Variants in SAMD4A observed in about 807,000 individuals in gnomAD.
SAMD4A encodes the protein protein Smaug homolog 1.
A neutral mutation model predicts 81.3 loss-of-function variants in SAMD4A; 33 were observed. The ratio of observed to expected loss-of-function variants is 0.41; its 90% CI spans 0.31 to 0.54. The LOEUF (loss-of-function observed/expected upper bound fraction) is 0.54, where lower values mean the gene tolerates loss of function less well. Among genes scored for constraint, SAMD4A ranks in the 20% least tolerant of loss-of-function variants. The pLI, the probability that SAMD4A is intolerant of heterozygous loss-of-function variation, is 0.37. For synonymous variants in SAMD4A, 389 were observed against 382.1 expected, an observed-to-expected ratio of 1.02 and a Z score of -0.21; for missense variants, 854 against 951.1, an observed-to-expected ratio of 0.90 and a Z score of 1.34.
chr14:54,642,677 G>T (rs146998350), intron 2 of SAMD4A, among the ~76,000 whole-genome samples: 1 of 152,144 alleles, frequency 6.6e-6, no homozygotes, highest in Non-Finnish European at 1.5e-5. Context: ...GAAAGATCCC[G>T]TTGAGTGGAT....
At chr14:54,596,497 A>G (rs572915269) in intron 2 of SAMD4A, among the ~76,000 whole-genome samples, 77 of 152,338 alleles carry the variant, frequency 5.1e-4, no homozygotes, top group African/African-American at 1.8e-3. Context: ...AGGCAGGGGA[A>G]TCGCTTGAAC....
rs565528338 is a variant in SAMD4A at position 54,778,130 on chromosome 14, C to G, written c.2044+1590C>G. 1.1e-4 allele frequency among the ~76,000 whole-genome samples: 16 copies of G among 152,336 alleles called. No individual in the cohort carries two copies. The East Asian group carries it at 2.3e-3, about 22-fold the overall frequency. Reference sequence around the variant, plus strand: ...TCACCAGCAGAGTGACCACTGTCTTCAATTCTGTATACCTTCTCAAGGCCT... The same window carrying G: ...TCACCAGCAGAGTGACCACTGTCTTGAATTCTGTATACCTTCTCAAGGCCT... On this transcript the variant is annotated intron_variant, in intron 11 of 12. Coordinates refer to ENST00000554335, the MANE Select transcript of SAMD4A (RefSeq NM_015589.6).
chr14:54,775,404 T>A (rs1331564244), intron 10 of SAMD4A, among the ~76,000 whole-genome samples: 2 of 152,214 alleles, frequency 1.3e-5, no homozygotes, highest in Non-Finnish European at 2.9e-5. Context: ...CAAGACCTAT[T>A]TCTTCTTTGC....
At position 54,577,106 on chromosome 14, in the gene SAMD4A, C is replaced by A. The variant is rs1485889122; in HGVS notation, c.196+8994C>A. ...CTGCTGTGGGCAGTGGGGGCTTAAT[C>A]CCACAGGGATCCTCTGAGGAGCCAC... On this transcript the variant is annotated intron_variant, in intron 2 of 12. Transcript: ENST00000554335. 2.0e-5 allele frequency among the ~76,000 whole-genome samples: 3 copies of A among 152,348 alleles called. No homozygotes were observed. In the East Asian group the frequency reaches 5.8e-4, roughly 29 times the overall value.
chr14:54,594,561 T>C (rs2140196293), intron 2 of SAMD4A, among the ~76,000 whole-genome samples: 1 of 152,330 alleles, frequency 6.6e-6, no homozygotes, highest in East Asian at 1.9e-4. Context: ...ACAGAACTTG[T>C]TGGATATGGA....
At position 54,575,780 on chromosome 14, in the gene SAMD4A, TG is replaced by T. The variant is rs561764087; in HGVS notation, c.196+7669del. Among the ~76,000 whole-genome samples the T allele has an allele frequency of 9.2e-5, 14 of 152,310 alleles. No individual in the cohort carries two copies. The South Asian group carries it at 2.9e-3, about 32-fold the overall frequency. On this transcript the variant is annotated intron_variant, in intron 2 of 12. Transcript: ENST00000554335. ...ATACTGACGCTTTTTAGTTTGGTAG[TG>T]TGGTCACTCATTAAATTATTTGAGC...
intron 2 of SAMD4A, among the ~76,000 whole-genome samples, chr14:54,627,409 T>C (rs914560786): frequency 4.6e-5 from 7 of 152,176 alleles, no homozygotes; most frequent in Admixed American, 1.3e-4. Context: ...TACCAGAACG[T>C]TCTTTAGCCC....
At chr14:54,580,258 A>T (rs985751980) in intron 2 of SAMD4A, among the ~76,000 whole-genome samples, 5 of 152,148 alleles carry the variant, frequency 3.3e-5, no homozygotes, top group Non-Finnish European at 7.3e-5. Context: ...TTGTGCTGGA[A>T]ATGAGAGAGG....
At chr14:54,726,765 G>A (rs931124430) in intron 3 of SAMD4A, among the ~76,000 whole-genome samples, 2 of 149,572 alleles carry the variant, frequency 1.3e-5, no homozygotes, top group African/African-American at 4.9e-5. Context: ...GGGCATCGGG[G>A]TTTTTTTTTT....
chr14:54,709,113 T>C (rs778314392), intron 3 of SAMD4A, among the ~76,000 whole-genome samples: 2 of 151,912 alleles, frequency 1.3e-5, no homozygotes, highest in Non-Finnish European at 2.9e-5. Context: ...CACATCTCTA[T>C]AAAAAATACA....
At chr14:54,591,522 ATTTTGTTTTTTTTTTTTTG>A in intron 2 of SAMD4A, among the ~76,000 whole-genome samples, 1 of 104,234 alleles carries the variant, frequency 9.6e-6, no homozygotes, top group East Asian at 2.9e-4. Context: ...GGAATCCTGT[ATTTTGTTTTTTTTTTTTTG>A]TTTTGTTTTT....
chr14:54,566,373 C>T (rs917733736), upstream of SAMD4A, among the ~76,000 whole-genome samples: 3 of 151,756 alleles, frequency 2.0e-5, no homozygotes, highest in Admixed American at 6.6e-5. Context: ...GTCCCCTCCC[C>T]GGGGGCTTCC....
At chr14:54,627,791 T>G (rs535364528) in intron 2 of SAMD4A, among the ~76,000 whole-genome samples, 5 of 152,242 alleles carry the variant, frequency 3.3e-5, no homozygotes, top group Non-Finnish European at 7.3e-5. Context: ...AGTAATATTA[T>G]GTATAAAATC....
chr14:54,732,298 A>G (rs148931123), intron 3 of SAMD4A, among the ~76,000 whole-genome samples: 143 of 152,290 alleles, frequency 9.4e-4, no homozygotes, highest in Non-Finnish European at 8.2e-4. Flanking sequence ...ATTAATTCCA[A>G]TACCCTCTCT....
chr14:54,724,004 G>GGAAGGAAGGAAGGAA (rs1315450521), intron 3 of SAMD4A, among the ~76,000 whole-genome samples: 11 of 107,740 alleles, frequency 1.0e-4, no homozygotes, highest in South Asian at 3.5e-4. Context: ...ATGGATGGAT[G>GGAAGGAAGGAAGGAA]GATGGAAGGA....
At chr14:54,601,619 C>A (rs2034054760) in intron 2 of SAMD4A, among the ~76,000 whole-genome samples, 2 of 152,314 alleles carry the variant, frequency 1.3e-5, no homozygotes, top group East Asian at 1.9e-4. Context: ...AGGGCCATCA[C>A]CTGGCTTAGG....
intron 2 of SAMD4A, chr14:54,694,189 G>A (rs1473235503): frequency 6.6e-6 from 1 of 152,650 alleles, no homozygotes; most frequent in Non-Finnish European, 1.5e-5. Context: ...TGTTTGATCA[G>A]GGGAGTGACA....
intron 3 of SAMD4A, among the ~76,000 whole-genome samples, chr14:54,736,020 A>G (rs2037683124): frequency 2.0e-5 from 3 of 152,238 alleles, no homozygotes; most frequent in African/African-American, 7.2e-5. Flanking sequence ...TGGACCTGTC[A>G]GGAACTGGTG....
chr14:54,585,874 A>G (rs1005361961), intron 2 of SAMD4A, among the ~76,000 whole-genome samples: 3 of 152,066 alleles, frequency 2.0e-5, no homozygotes, highest in African/African-American at 7.2e-5. Flanking sequence ...TATTTTTGCC[A>G]TTGCAAATTG....
Sources: gnomAD v4.1 joint callset for allele counts (sites outside exome capture counted in the v4.1 genomes callset) on GRCh38, gnomAD v4.1.1 for gene constraint, MANE v1.5 for transcripts, NCBI Gene and HGNC (gene_info 2026-07-23, HGNC 2026-07-21) for gene names.